GRM8: variants seen among roughly 807,000 people sequenced by gnomAD.
The protein encoded by GRM8 is glutamate metabotropic receptor 8, also known as metabotropic glutamate receptor 8.
Under a neutral mutation model 87.2 loss-of-function variants are expected in GRM8, and 47 were observed. That is an observed-to-expected ratio of 0.54 (90% confidence interval 0.43 to 0.69). GRM8 has a LOEUF of 0.69. GRM8 is among the 30% of genes least tolerant of loss of function. The pLI is 0.00. For missense variants in GRM8, 1,019 were observed against 1,139.2 expected (o/e 0.89, Z 1.52); for synonymous variants, 396 against 404.5 (o/e 0.98, Z 0.25).
At chr7:127,231,268 C>A (rs1481927127) in intron 2 of GRM8, among the ~76,000 whole-genome samples, 2 of 152,114 alleles carry the variant, frequency 1.3e-5, no homozygotes, top group African/African-American at 4.8e-5. Context: ...AGATTTAGCA[C>A]TTACTGGGTT....
chr7:126,626,161 G>A (rs1800665731), intron 7 of GRM8, among the ~76,000 whole-genome samples: 1 of 149,522 alleles, frequency 6.7e-6, no homozygotes, highest in African/African-American at 2.5e-5. Flanking sequence ...CAAATTTGCT[G>A]TACTAGGAAA....
chr7:127,008,572 G>T (rs1276554262), intron 3 of GRM8, among the ~76,000 whole-genome samples: 1 of 152,000 alleles, frequency 6.6e-6, no homozygotes, highest in African/African-American at 2.4e-5. Flanking sequence ...TTTAATCTCA[G>T]TGTTTGTTCA....
At chr7:127,249,916 G>C (rs1410325635) in intron 1 of GRM8, among the ~76,000 whole-genome samples, 9 of 152,204 alleles carry the variant, frequency 5.9e-5, no homozygotes, top group Non-Finnish European at 1.5e-5. Context: ...GGTCTTGGCT[G>C]TGGGTCCAGG....
chr7:126,489,368 G>A (rs1017936659), intron 9 of GRM8, among the ~76,000 whole-genome samples: 6 of 152,008 alleles, frequency 3.9e-5, no homozygotes, highest in African/African-American at 1.4e-4. Flanking sequence ...AAGAACTAAA[G>A]ACACACAATG....
chr7:126,900,497 G>C (rs964786643), intron 6 of GRM8, among the ~76,000 whole-genome samples: 1 of 142,554 alleles, frequency 7.0e-6, no homozygotes, highest in Non-Finnish European at 1.5e-5. Context: ...TAGCTTTTTT[G>C]TTTGTTTGTT....
intron 2 of GRM8, chr7:127,112,116 C>G (rs1219662011): frequency 6.6e-6 from 1 of 152,206 alleles, no homozygotes; most frequent in Admixed American, 6.5e-5. Flanking sequence ...GCCCAGACCT[C>G]CTGTCACAGG....
chr7:126,610,886 C>G (rs1165960160), intron 7 of GRM8, among the ~76,000 whole-genome samples: 1 of 152,170 alleles, frequency 6.6e-6, no homozygotes, highest in Non-Finnish European at 1.5e-5. Flanking sequence ...GCTGAGGCTG[C>G]AAGAGATGGC....
Position 126,519,880 on chromosome 7 carries a change from A to G in GRM8, c.2430+13072T>C, listed in dbSNP as rs535949070. 4.6e-5 allele frequency among the ~76,000 whole-genome samples: 7 copies of G among 152,268 alleles called. No individual in the cohort carries two copies. The South Asian group carries it at 1.2e-3, about 27-fold the overall frequency. On this transcript the variant is annotated intron_variant, in intron 9 of 10. Coordinates refer to ENST00000339582, the MANE Select transcript of GRM8 (RefSeq NM_000845.3). ...GACCTTGGAAGTGAGAAGGAAAAAA[A>G]TAGATCTAGGAGAAATTTCAAACAA... is the stretch of plus-strand genomic sequence containing the variant.
chr7:126,875,026 T>C (rs1799415231), intron 6 of GRM8, among the ~76,000 whole-genome samples: 1 of 152,138 alleles, frequency 6.6e-6, no homozygotes, highest in South Asian at 2.1e-4. Context: ...CTTATTAAAA[T>C]GTCCAGTGCC....
At chr7:126,638,559 A>C (rs1367958131) in intron 7 of GRM8, among the ~76,000 whole-genome samples, 3 of 152,158 alleles carry the variant, frequency 2.0e-5, no homozygotes, top group African/African-American at 4.8e-5. Context: ...AGAGTACTGG[A>C]AGGGGATGCT....
At chr7:126,617,545 A>G (rs371038142) in intron 7 of GRM8, among the ~76,000 whole-genome samples, 4 of 151,004 alleles carry the variant, frequency 2.6e-5, no homozygotes, top group East Asian at 1.9e-4. Flanking sequence ...GGCAGGAGAA[A>G]GAAATAAAGG....
At chr7:126,651,392 C>T (rs1261874226) in intron 7 of GRM8, among the ~76,000 whole-genome samples, 1 of 152,144 alleles carries the variant, frequency 6.6e-6, no homozygotes, top group African/African-American at 2.4e-5. Flanking sequence ...GGGCAAAGTC[C>T]TCTGGAAGGC....
intron 2 of GRM8, among the ~76,000 whole-genome samples, chr7:127,242,440 A>G (rs1437684399): frequency 6.6e-6 from 1 of 152,122 alleles, no homozygotes; most frequent in Non-Finnish European, 1.5e-5. Context: ...CCAATATATC[A>G]CAGAACTTTT....
chr7:127,088,385 C>T (rs570292034), intron 3 of GRM8, among the ~76,000 whole-genome samples: 2 of 152,268 alleles, frequency 1.3e-5, no homozygotes, highest in Admixed American at 1.3e-4. Context: ...GAATGGAGAG[C>T]CTTTACAAAG....
chr7:126,614,478 C>T (rs1261897992), intron 7 of GRM8, among the ~76,000 whole-genome samples: 1 of 152,194 alleles, frequency 6.6e-6, no homozygotes, highest in East Asian at 1.9e-4. Flanking sequence ...ACCTCTCCCC[C>T]TCCAAAGGAA....
intron 3 of GRM8, among the ~76,000 whole-genome samples, chr7:126,983,556 C>G (rs1458530889): frequency 6.6e-6 from 1 of 152,104 alleles, no homozygotes; most frequent in Non-Finnish European, 1.5e-5. Context: ...TGGGGTTCCT[C>G]CTACCTTTAA....
At chr7:126,818,518 A>G (rs182463016) in intron 6 of GRM8, among the ~76,000 whole-genome samples, 1 of 152,322 alleles carries the variant, frequency 6.6e-6, no homozygotes, top group East Asian at 1.9e-4. Context: ...AATGCAATAA[A>G]AAAAATCAAA....
At chr7:127,241,769 A>G (rs1162637607) in intron 2 of GRM8, among the ~76,000 whole-genome samples, 2 of 152,236 alleles carry the variant, frequency 1.3e-5, no homozygotes, top group African/African-American at 4.8e-5. Context: ...ACAAAGGCTC[A>G]TTAATTCAGA....
At chr7:126,484,120 G>A (rs1454515376) in intron 9 of GRM8, among the ~76,000 whole-genome samples, 1 of 152,020 alleles carries the variant, frequency 6.6e-6, no homozygotes, top group Non-Finnish European at 1.5e-5. Flanking sequence ...GTACTTGATG[G>A]AGAAAAATAT....
Sources: gnomAD v4.1 joint callset for allele counts (sites outside exome capture counted in the v4.1 genomes callset) on GRCh38, gnomAD v4.1.1 for gene constraint, MANE v1.5 for transcripts, NCBI Gene and HGNC (gene_info 2026-07-23, HGNC 2026-07-21) for gene names.